Variants in SERINC5 observed in about 807,000 individuals in gnomAD.
SERINC5 encodes the protein serine incorporator 5.
In SERINC5, 41 loss-of-function variants were observed where a neutral mutation model predicts 63.1. The observed-to-expected ratio is 0.65, with a 90% confidence interval of 0.51 to 0.84. SERINC5 has a LOEUF of 0.84. SERINC5 is among the 40% of genes least tolerant of loss of function. SERINC5 has a pLI of 0.00. For synonymous variants in SERINC5, 222 were observed against 215.2 expected, an observed-to-expected ratio of 1.03 and a Z score of -0.28; for missense variants, 523 against 573.0, an observed-to-expected ratio of 0.91 and a Z score of 0.89.
At chr5:80,216,488 C>T (rs1580179252) in intron 1 of SERINC5, among the ~76,000 whole-genome samples, 1 of 152,154 alleles carries the variant, frequency 6.6e-6, no homozygotes, top group African/African-American at 2.4e-5. Flanking sequence ...AAGCTAAAGC[C>T]GTCTTTACAC....
At chr5:80,136,515 T>G (rs1488790457), downstream of SERINC5, among the ~76,000 whole-genome samples, 3 of 152,192 alleles carry the variant, frequency 2.0e-5, no homozygotes, top group Admixed American at 6.5e-5. Context: ...AGACTTTTAT[T>G]TCATACCATA....
rs911591674 is a variant in SERINC5, at chr5:80,142,858, G to T, written c.*805C>A. 1 of 985,252 alleles carries T rather than the reference G, an allele frequency of 1.0e-6. No individual in the cohort carries two copies. Among genetic ancestry groups the T allele is most frequent in the South Asian group, 4.7e-5 (1 of 21,290 alleles). The allele number at this position is 985,252 out of a possible 1,614,324, so 61.0% of individuals were successfully genotyped here. A position where few individuals can be genotyped will look rare whatever the true frequency, so the allele number is the denominator to read the frequency against. ...TCCATTGCTTAGGCAGAGAAAACAT[G>T]AATCTTGTTCTATAATCATGTGAAT... On this transcript the variant is annotated 3_prime_UTR_variant, in exon 12 of 12. Transcript: ENST00000507668.
intron 7 of SERINC5, 117 bp from the exon 8 acceptor site, chr5:80,159,079 C>T: frequency 1.1e-6 from 1 of 950,610 alleles, no homozygotes; most frequent in Non-Finnish European, 1.6e-6. Flanking sequence ...GAACAGTGAA[C>T]ACTTATCACT....
chr5:80,202,745 C>A, intron 2 of SERINC5, 141 bp downstream of exon 2: 3 of 649,688 alleles, frequency 4.6e-6, no homozygotes, highest in Admixed American at 6.2e-5. Flanking sequence ...AAGCATAGAG[C>A]AGGCTTCAGG....
At chr5:80,158,413 G>A (rs1746673057) in intron 8 of SERINC5, 1 of 175,806 alleles carries the variant, frequency 5.7e-6, no homozygotes, top group South Asian at 1.4e-4. Flanking sequence ...GCAGAAGAAA[G>A]CTATTTCCTT....
intron 4 of SERINC5, 53 bp downstream of exon 4, chr5:80,177,262 G>A (rs1748094949): frequency 1.5e-6 from 2 of 1,337,958 alleles, no homozygotes; most frequent in Non-Finnish European, 1.1e-6. Flanking sequence ...TGAGCAATTT[G>A]ACAAAATGGG....
At chr5:80,130,348 C>A (rs1744894211) in intron 11 of SERINC5, among the ~76,000 whole-genome samples, 1 of 151,854 alleles carries the variant, frequency 6.6e-6, no homozygotes, top group Admixed American at 6.6e-5. Flanking sequence ...CCACTGCACT[C>A]CAACCTGGGC....
chr5:80,166,123 TTTTAG>T (rs1207255642), intron 7 of SERINC5, among the ~76,000 whole-genome samples: 1 of 152,166 alleles, frequency 6.6e-6, no homozygotes, highest in Non-Finnish European at 1.5e-5. Context: ...AATTATACTC[TTTTAG>T]TTATTTTTAA....
At chr5:80,169,011 A>C (rs1302949518) in intron 6 of SERINC5, among the ~76,000 whole-genome samples, 2 of 152,216 alleles carry the variant, frequency 1.3e-5, no homozygotes, top group Admixed American at 1.3e-4. Context: ...GCAAGCTCAT[A>C]AACACCTGAT....
At chr5:80,184,838 G>T (rs775083529) in intron 2 of SERINC5, among the ~76,000 whole-genome samples, 2 of 152,114 alleles carry the variant, frequency 1.3e-5, no homozygotes. Context: ...CTGGCTCTGG[G>T]CACCCAAGGA....
chr5:80,143,301 A>G lies in SERINC5; in HGVS notation c.*362T>C. On this transcript the variant is annotated 3_prime_UTR_variant, in exon 12 of 12. Transcript: ENST00000507668. ...GATTTTGGCATGTTTTTCTATTCCG[A>G]GGATGAGAATGACTGGCCCCACAAG... 1 of 1,010,712 alleles carries G rather than the reference A, an allele frequency of 9.9e-7. No homozygotes were observed. Among genetic ancestry groups the G allele is most frequent in the Non-Finnish European group, 1.2e-6 (1 of 846,172 alleles). The allele number at this position is 1,010,712 out of a possible 1,614,324, so 62.6% of individuals were successfully genotyped here.
At chr5:80,111,308 AT>A (rs979734565), downstream of SERINC5, among the ~76,000 whole-genome samples, 1 of 152,164 alleles carries the variant, frequency 6.6e-6, no homozygotes, top group Non-Finnish European at 1.5e-5. Flanking sequence ...AAGGGGCTAG[AT>A]TTTGTTTTAT....
intron 11 of SERINC5, among the ~76,000 whole-genome samples, chr5:80,126,795 T>C (rs1744763626): frequency 6.6e-6 from 1 of 152,230 alleles, no homozygotes; most frequent in South Asian, 2.1e-4. Flanking sequence ...GGTCTCACTA[T>C]GTTGCCCAGG....
intron 1 of SERINC5, among the ~76,000 whole-genome samples, chr5:80,207,084 C>T (rs1463133611): frequency 1.3e-5 from 2 of 151,996 alleles, no homozygotes; most frequent in Non-Finnish European, 2.9e-5. Context: ...CTGCAAGCTC[C>T]GCCTCCTGGG....
At chr5:80,243,033 AT>A (rs1371470068) in intron 1 of SERINC5, among the ~76,000 whole-genome samples, 25 of 152,320 alleles carry the variant, frequency 1.6e-4, no homozygotes, top group African/African-American at 6.0e-4. Flanking sequence ...GCAGCACCCG[AT>A]TAAAGCCTTC....
intron 1 of SERINC5, among the ~76,000 whole-genome samples, chr5:80,232,961 G>T (rs1235026551): frequency 6.6e-6 from 1 of 152,182 alleles, no homozygotes; most frequent in East Asian, 1.9e-4. Flanking sequence ...CCAGGGCTCT[G>T]AGGGAGTTTG....
At chr5:80,205,963 T>C (rs775314639) in intron 1 of SERINC5, among the ~76,000 whole-genome samples, 4 of 110,566 alleles carry the variant, frequency 3.6e-5, no homozygotes, top group Non-Finnish European at 7.3e-5. Context: ...ATTAGCCGGG[T>C]GTGGTGGTGC....
At chr5:80,205,097 C>T (rs950127216) in intron 1 of SERINC5, among the ~76,000 whole-genome samples, 1 of 152,218 alleles carries the variant, frequency 6.6e-6, no homozygotes, top group East Asian at 1.9e-4. Context: ...AACACATGCC[C>T]GTGTCTGCAC....
At position 80,141,655 on chromosome 5, in the gene SERINC5, G is replaced by A. The variant is rs1393732062; in HGVS notation, c.*2008C>T. 1.0e-6 allele frequency: 1 copy of A among 985,568 alleles called. No homozygotes were observed. The highest frequency in any genetic ancestry group is 1.2e-6 in the Non-Finnish European group (1 of 830,034). 61.1% of individuals were successfully genotyped at this position (985,568 alleles called of 1,614,324 possible). On this transcript the variant is annotated 3_prime_UTR_variant, in exon 12 of 12. Transcript: ENST00000507668. ...GGCCACTGCAACACAGCTACTGTGT[G>A]TGACACGCAGCCCCACTCCCTGAGC...
Sources: allele counts gnomAD v4.1 joint callset (sites outside exome capture counted in the v4.1 genomes callset), GRCh38; gene constraint gnomAD v4.1.1; transcripts MANE v1.5; gene names NCBI Gene and HGNC (gene_info 2026-07-23, HGNC 2026-07-21).